Variants in PTPN4 observed in about 807,000 individuals in gnomAD.
PTPN4 encodes protein tyrosine phosphatase non-receptor type 4.
PTPN4 carries 49 observed loss-of-function variants against 135.5 expected under a neutral mutation model. That is an observed-to-expected ratio of 0.36 (90% confidence interval 0.29 to 0.46). PTPN4 has a LOEUF of 0.46. Ranked by LOEUF, PTPN4 falls within the 20% of genes least tolerant of loss-of-function variation. The probability of loss-of-function intolerance (pLI) is 1.00; values close to 1 mark genes in which losing one functional copy is unlikely to be tolerated. For synonymous variants in PTPN4, 333 were observed against 369.9 expected (o/e 0.90, Z 1.14); for missense variants, 860 against 1,101.0 (o/e 0.78, Z 3.10).
At position 119,800,871 on chromosome 2, in the gene PTPN4, TG is replaced by T. The variant is rs927024809; in HGVS notation, c.-17-8965del. ...GTACCTTTGTTAAAAATCAGTTGGCTGTACTTGTGTGGTAATTCTATTTTGT... is the reference window on the plus strand; with the variant it reads ...GTACCTTTGTTAAAAATCAGTTGGCTTACTTGTGTGGTAATTCTATTTTGT... On this transcript the variant is annotated intron_variant, in intron 1 of 26. Transcript: ENST00000263708. 6.2e-4 allele frequency among the ~76,000 whole-genome samples: 94 copies of T among 152,266 alleles called. 1 individual carries two copies. Among genetic ancestry groups the T allele is most frequent in the African/African-American group, 2.0e-3 (85 of 41,542 alleles).
intron 2 of PTPN4, among the ~76,000 whole-genome samples, chr2:119,810,377 C>A (rs1393077527): frequency 6.6e-6 from 1 of 152,138 alleles, no homozygotes; most frequent in Non-Finnish European, 1.5e-5. Flanking sequence ...TAAATGACAG[C>A]CCTGATCTTA....
At chr2:119,898,574 A>G (rs1428454577) in intron 9 of PTPN4, among the ~76,000 whole-genome samples, 4 of 152,178 alleles carry the variant, frequency 2.6e-5, no homozygotes, top group African/African-American at 4.8e-5. Flanking sequence ...TAAGAATCCA[A>G]TAAATAGCTC....
chr2:119,882,070 T>C, intron 6 of PTPN4, 27 bp from the exon 7 acceptor site: 2 of 1,566,970 alleles, frequency 1.3e-6, no homozygotes, highest in Non-Finnish European at 1.8e-6. Flanking sequence ...TAACCTTCGG[T>C]TGTGTATTTT....
chr2:119,773,123 A>G (rs1356827986), intron 1 of PTPN4, among the ~76,000 whole-genome samples: 1 of 152,082 alleles, frequency 6.6e-6, no homozygotes, highest in Non-Finnish European at 1.5e-5. Context: ...TATTAATTTC[A>G]TTTCTTATAT....
chr2:119,872,243 G>A (rs966189017), intron 3 of PTPN4, among the ~76,000 whole-genome samples: 1 of 151,880 alleles, frequency 6.6e-6, no homozygotes, highest in African/African-American at 2.4e-5. Flanking sequence ...ACTGGATCTA[G>A]TGACTCTCCA....
chr2:119,932,171 C>G (rs1191481078), intron 13 of PTPN4: 2 of 227,486 alleles, frequency 8.8e-6, no homozygotes, highest in Admixed American at 1.1e-4. Flanking sequence ...CTTGTTTCTT[C>G]TGTTTTTCTC....
At chr2:119,874,827 T>C (rs760405331) in intron 3 of PTPN4, among the ~76,000 whole-genome samples, 2 of 152,210 alleles carry the variant, frequency 1.3e-5, no homozygotes, top group Non-Finnish European at 2.9e-5. Context: ...CATATGCATT[T>C]TATAATTTGA....
intron 25 of PTPN4, among the ~76,000 whole-genome samples, chr2:119,966,809 C>G (rs189172642): frequency 6.6e-6 from 1 of 152,288 alleles, no homozygotes; most frequent in Non-Finnish European, 1.5e-5. Flanking sequence ...TCTTTGAGAC[C>G]CAAGTCCCCT....
chr2:119,764,506 C>A (rs950470784), intron 1 of PTPN4, among the ~76,000 whole-genome samples: 2 of 152,194 alleles, frequency 1.3e-5, no homozygotes, highest in African/African-American at 4.8e-5. Context: ...CCTCTTTAAA[C>A]CTTTTTCAAA....
intron 2 of PTPN4, among the ~76,000 whole-genome samples, chr2:119,845,733 CTTTT>C (rs1677488821): frequency 6.6e-6 from 1 of 151,988 alleles, no homozygotes; most frequent in Admixed American, 6.6e-5. Context: ...TCTGCACTAA[CTTTT>C]CTTTCTTTGT....
At chr2:119,800,734 G>A (rs1244328973) in intron 1 of PTPN4, among the ~76,000 whole-genome samples, 1 of 152,042 alleles carries the variant, frequency 6.6e-6, no homozygotes, top group Admixed American at 6.6e-5. Flanking sequence ...GTAATTTTTT[G>A]CATAAGGTGT....
rs1207833749 is a variant in PTPN4 at position 119,784,447 on chromosome 2, C to T, written c.-18+24063C>T. 9.3e-5 allele frequency among the ~76,000 whole-genome samples: 13 copies of T among 140,054 alleles called. No individual in the cohort carries two copies. In the East Asian group the frequency reaches 1.1e-3, roughly 12 times the overall value. The allele number at this position is 140,054 out of a possible 152,430, so 91.9% of individuals were successfully genotyped here. A position where few individuals can be genotyped will look rare whatever the true frequency, so the allele number is the denominator to read the frequency against. On this transcript the variant is annotated intron_variant, in intron 1 of 26. Coordinates refer to ENST00000263708, the MANE Select transcript of PTPN4 (RefSeq NM_002830.4). ...TGTCGCCCAGGCTGGAGTGAAGTGG[C>T]GCAATCTTGGCTCACTGCAAGCTCC...
rs532153911 is a variant in PTPN4, at chr2:119,765,941, C to G, written c.-18+5557C>G. ...GTGTGTGTGTGTGTGTGTGCGCGCG[C>G]GCATGTGCGTTGATTGCAGTGGGAA... is the stretch of plus-strand genomic sequence containing the variant. On this transcript the variant is annotated intron_variant, in intron 1 of 26. Coordinates refer to ENST00000263708, the MANE Select transcript of PTPN4 (RefSeq NM_002830.4). Among the ~76,000 whole-genome samples, 52 of 148,984 alleles carry G rather than the reference C, an allele frequency of 3.5e-4. 1 individual carries two copies. The highest frequency in any genetic ancestry group is 3.5e-3 in the Admixed American group (52 of 15,046).
chr2:119,912,539 A>G (rs74369143), intron 10 of PTPN4, among the ~76,000 whole-genome samples: 7,134 of 152,296 alleles, frequency 0.047, 182 homozygotes, highest in African/African-American at 0.07. Context: ...TTAATCAGTA[A>G]AACAGTATAA....
chr2:119,860,488 GA>G lies in PTPN4; in HGVS notation c.139-2045del, dbSNP rs1316212953. On this transcript the variant is annotated intron_variant, in intron 2 of 26. Coordinates refer to ENST00000263708, the MANE Select transcript of PTPN4 (RefSeq NM_002830.4). Reference sequence around the variant, plus strand: ...GGAATGCAGATGAGAAAGATGGAAAGAAACCTAGTCTTAATGTCCCTCATCT... The same window carrying G: ...GGAATGCAGATGAGAAAGATGGAAAGAACCTAGTCTTAATGTCCCTCATCT... 9.8e-5 allele frequency among the ~76,000 whole-genome samples: 15 copies of G among 152,296 alleles called. No individual in the cohort carries two copies. In the East Asian group the frequency reaches 2.9e-3, roughly 29 times the overall value.
chr2:119,940,942 C>G (rs927733926), intron 15 of PTPN4, among the ~76,000 whole-genome samples: 3 of 152,080 alleles, frequency 2.0e-5, no homozygotes, highest in Non-Finnish European at 4.4e-5. Context: ...TTTTCCAGCT[C>G]CCTTCCTTAA....
intron 1 of PTPN4, among the ~76,000 whole-genome samples, chr2:119,790,817 T>C (rs1411902368): frequency 1.3e-5 from 2 of 152,226 alleles, no homozygotes; most frequent in Non-Finnish European, 2.9e-5. Flanking sequence ...ATTTTATTTC[T>C]ATTGTTTATT....
At chr2:119,904,815 GA>G (rs1419500626) in intron 10 of PTPN4, among the ~76,000 whole-genome samples, 1 of 152,082 alleles carries the variant, frequency 6.6e-6, no homozygotes, top group Non-Finnish European at 1.5e-5. Flanking sequence ...CTTCAGAAGT[GA>G]AGTAGAAATA....
intron 2 of PTPN4, among the ~76,000 whole-genome samples, chr2:119,815,084 G>A (rs1676966125): frequency 6.6e-6 from 1 of 152,014 alleles, no homozygotes; most frequent in Non-Finnish European, 1.5e-5. Flanking sequence ...TAGTTCTTGG[G>A]TCTCATATTA....
Sources: gnomAD v4.1 joint callset for allele counts (sites outside exome capture counted in the v4.1 genomes callset) on GRCh38, gnomAD v4.1.1 for gene constraint, MANE v1.5 for transcripts, NCBI Gene and HGNC (gene_info 2026-07-23, HGNC 2026-07-21) for gene names.